The following CSMD1 variants were observed in gnomAD, a reference collection of about 807,000 sequenced individuals.
The protein encoded by CSMD1 is CUB and sushi domain-containing protein 1.
CSMD1 carries 213 observed loss-of-function variants against 417.5 expected under a neutral mutation model. The observed-to-expected ratio is 0.51, with a 90% CI of 0.46 to 0.57. The LOEUF (loss-of-function observed/expected upper bound fraction) is 0.57. Ranked by LOEUF, CSMD1 falls within the 20% of genes least tolerant of loss-of-function variation. The pLI is 0.00. For missense variants in CSMD1, 6,923 were observed against 4,529.7 expected (o/e 1.53, Z -15.17); for synonymous variants, 2,862 against 1,736.8 (o/e 1.65, Z -16.11).
chr8:3,607,588 C>G (rs1003957010), intron 8 of CSMD1, among the ~76,000 whole-genome samples: 2 of 152,152 alleles, frequency 1.3e-5, no homozygotes, highest in African/African-American at 4.8e-5. Context: ...GCTAGGAGAT[C>G]ACCAGGCAAT....
intron 3 of CSMD1, among the ~76,000 whole-genome samples, chr8:4,229,178 A>C (rs1005344001): frequency 8.5e-5 from 13 of 152,308 alleles, no homozygotes; most frequent in Admixed American, 3.9e-4. Context: ...ACCCGGAGTC[A>C]ACTTGTATTC....
intron 21 of CSMD1, among the ~76,000 whole-genome samples, chr8:3,351,386 G>A (rs959249564): frequency 4.0e-5 from 6 of 151,732 alleles, no homozygotes; most frequent in East Asian, 1.9e-4. Flanking sequence ...CGAGGCAGGC[G>A]GATCACCTGA....
At chr8:4,417,887 T>C (rs1488007916) in intron 3 of CSMD1, among the ~76,000 whole-genome samples, 1 of 152,078 alleles carries the variant, frequency 6.6e-6, no homozygotes, top group East Asian at 1.9e-4. Context: ...AAAGTAATAG[T>C]TGTCTAAAGT....
intron 5 of CSMD1, among the ~76,000 whole-genome samples, chr8:3,926,104 C>CACACCATACAG (rs1563218310): frequency 2.4e-5 from 1 of 41,648 alleles, no homozygotes. Flanking sequence ...CACACACACA[C>CACACCATACAG]ACACACACAC....
At chr8:3,582,992 G>T (rs1203387945) in intron 9 of CSMD1, among the ~76,000 whole-genome samples, 2 of 152,160 alleles carry the variant, frequency 1.3e-5, no homozygotes, top group African/African-American at 2.4e-5. Flanking sequence ...AGATTATTTT[G>T]TCTGGCCTTT....
chr8:4,695,784 T>C (rs1807088224), intron 1 of CSMD1, among the ~76,000 whole-genome samples: 2 of 152,218 alleles, frequency 1.3e-5, no homozygotes, highest in Non-Finnish European at 2.9e-5. Context: ...CGATATAGTA[T>C]CATACAGCCT....
chr8:4,573,525 C>T (rs548647917), intron 2 of CSMD1, among the ~76,000 whole-genome samples: 1 of 152,226 alleles, frequency 6.6e-6, no homozygotes, highest in South Asian at 2.1e-4. Flanking sequence ...TGAGAGATGC[C>T]ATCCGGAGCT....
chr8:3,298,642 C>T lies in CSMD1; in HGVS notation c.3950+9053G>A, dbSNP rs183271697. On this transcript the variant is annotated intron_variant, in intron 25 of 69. Coordinates refer to ENST00000635120, the MANE Select transcript of CSMD1 (RefSeq NM_033225.6). Reference sequence around the variant, plus strand: ...CTTATTTTTTAATTTTTAATAGAGACGGAGTTTCACCATGTTGATCAGGTT... The same window carrying T: ...CTTATTTTTTAATTTTTAATAGAGATGGAGTTTCACCATGTTGATCAGGTT... Among the ~76,000 whole-genome samples, 594 of 152,210 alleles carry T rather than the reference C, an allele frequency of 3.9e-3. 2 individuals are homozygous for T. Among genetic ancestry groups the T allele is most frequent in the Non-Finnish European group, 5.8e-3 (394 of 68,000 alleles).
chr8:3,291,226 C>G lies in CSMD1; in HGVS notation c.3951-6880G>C, dbSNP rs1429365773. On this transcript the variant is annotated intron_variant, in intron 25 of 69. Transcript: ENST00000635120. The stretch of plus-strand genomic sequence containing the variant: ...TTGATGTATTGCTGGATTCCATTTG[C>G]CAGTATTTTATTGAGGATTTTTGCA... Among the ~76,000 whole-genome samples, 3 of 152,084 alleles carry G rather than the reference C, an allele frequency of 2.0e-5. No individual in the cohort carries two copies. In the East Asian group the frequency reaches 5.8e-4, roughly 29 times the overall value.
At chr8:3,880,802 T>C (rs13276382) in intron 5 of CSMD1, among the ~76,000 whole-genome samples, 86,033 of 152,068 alleles carry the variant, frequency 0.57, 26,946 homozygotes, top group Admixed American at 0.7. Flanking sequence ...TTTAGATGGT[T>C]GGTTATAAAG....
chr8:3,190,034 G>A lies in CSMD1; in HGVS notation c.5276C>T (p.Ala1759Val), dbSNP rs1439486254. 1.3e-5 allele frequency: 21 copies of A among 1,594,374 alleles called. No individual in the cohort carries two copies. Among genetic ancestry groups the A allele is most frequent in the Admixed American group, 5.3e-5 (3 of 56,964 alleles). Residue 1759 changes from alanine (A) to valine (V), a missense_variant, in exon 34 of 70, where the codon GCC becomes GTC. Ala to Val is a moderately conservative substitution (Grantham distance 64, BLOSUM62 0). Coordinates refer to ENST00000635120, the MANE Select transcript of CSMD1 (RefSeq NM_033225.6). ...YGRRIGSEFS[A>V]GSIVRFECNP... is the part of the protein sequence containing the mutation. Reference sequence around the variant, plus strand: ...GCACTCGAATCGGACGATGGAGCCGGCAGAAAACTCAGAACCAATTCTCCT... The same window carrying A: ...GCACTCGAATCGGACGATGGAGCCGACAGAAAACTCAGAACCAATTCTCCT...
At chr8:4,147,925 C>A (rs1796348900) in intron 3 of CSMD1, among the ~76,000 whole-genome samples, 2 of 152,082 alleles carry the variant, frequency 1.3e-5, no homozygotes, top group South Asian at 2.1e-4. Flanking sequence ...TCCTGCAGCA[C>A]AAACTCTGGG....
intron 1 of CSMD1, among the ~76,000 whole-genome samples, chr8:4,855,582 G>A (rs1370029252): frequency 1.3e-5 from 2 of 152,204 alleles, no homozygotes; most frequent in South Asian, 2.1e-4. Context: ...AGCTGATGGA[G>A]CTGAAAACCA....
chr8:4,683,448 G>C (rs1013750536), intron 1 of CSMD1, among the ~76,000 whole-genome samples: 2 of 152,104 alleles, frequency 1.3e-5, no homozygotes, highest in African/African-American at 4.8e-5. Flanking sequence ...ACTTGATTAA[G>C]GGAAGTCTAT....
chr8:4,432,002 C>G (rs1196172037), intron 2 of CSMD1, among the ~76,000 whole-genome samples: 1 of 152,016 alleles, frequency 6.6e-6, no homozygotes, highest in African/African-American at 2.4e-5. Flanking sequence ...TTATATTTGT[C>G]AATGTATTCT....
At chr8:3,004,347 T>C (rs143458332) in intron 52 of CSMD1, among the ~76,000 whole-genome samples, 2 of 152,324 alleles carry the variant, frequency 1.3e-5, no homozygotes, top group African/African-American at 2.4e-5. Flanking sequence ...TCGGACATCA[T>C]GAAGCCTGGA....
chr8:3,564,045 G>A (rs758857300), intron 10 of CSMD1, among the ~76,000 whole-genome samples: 23 of 151,854 alleles, frequency 1.5e-4, no homozygotes, highest in Non-Finnish European at 3.1e-4. Context: ...ATATATTTTG[G>A]GGGTACACGT....
chr8:4,387,586 A>AC (rs1476468459), intron 3 of CSMD1, among the ~76,000 whole-genome samples: 1 of 148,958 alleles, frequency 6.7e-6, no homozygotes, highest in Non-Finnish European at 1.5e-5. Flanking sequence ...AAAAAAAAAA[A>AC]AAAAAAGAGT....
At chr8:2,950,614 T>C (rs943002405) in intron 66 of CSMD1, among the ~76,000 whole-genome samples, 2 of 152,136 alleles carry the variant, frequency 1.3e-5, no homozygotes, top group Admixed American at 1.3e-4. Flanking sequence ...AAAAATAACA[T>C]ATTTGATTTT....
Sources: allele counts gnomAD v4.1 joint callset (sites outside exome capture counted in the v4.1 genomes callset), GRCh38; gene constraint gnomAD v4.1.1; transcripts MANE v1.5; gene names NCBI Gene and HGNC (gene_info 2026-07-23, HGNC 2026-07-21).